The following CDH13 variants were observed in gnomAD, a reference collection of about 807,000 sequenced individuals.
The protein encoded by CDH13 is cadherin 13, also known as cadherin-13.
In CDH13, 24 loss-of-function variants were observed where a neutral mutation model predicts 63.8. The ratio of observed to expected loss-of-function variants is 0.38; its 90% CI spans 0.27 to 0.53. The LOEUF is 0.53. CDH13 is among the 20% of genes least tolerant of loss of function. The pLI is 0.85. For synonymous variants in CDH13, 503 were observed against 355.3 expected (o/e 1.42, Z -4.67); for missense variants, 1,049 against 903.1 (o/e 1.16, Z -2.07).
chr16:83,090,716 C>G (rs985791888), intron 3 of CDH13, among the ~76,000 whole-genome samples: 2 of 152,068 alleles, frequency 1.3e-5, no homozygotes, highest in Admixed American at 1.3e-4. Flanking sequence ...TCCGACTGCA[C>G]GAGTTGGTGA....
chr16:83,213,413 C>T (rs999057456), intron 4 of CDH13, among the ~76,000 whole-genome samples: 1 of 152,162 alleles, frequency 6.6e-6, no homozygotes, highest in Non-Finnish European at 1.5e-5. Context: ...CCCATTCCCC[C>T]ACCCCCTCCT....
At chr16:82,874,933 G>A (rs1477188677) in intron 2 of CDH13, among the ~76,000 whole-genome samples, 1 of 152,172 alleles carries the variant, frequency 6.6e-6, no homozygotes, top group Admixed American at 6.5e-5. Context: ...ATGGGGATGT[G>A]TGGCCAGGTA....
chr16:82,738,265 G>A (rs2033774467), intron 1 of CDH13, among the ~76,000 whole-genome samples: 1 of 152,196 alleles, frequency 6.6e-6, no homozygotes, highest in South Asian at 2.1e-4. Flanking sequence ...AAACGTAACT[G>A]CATGGCCAAT....
intron 1 of CDH13, among the ~76,000 whole-genome samples, chr16:82,788,354 C>G (rs2094027172): frequency 6.6e-6 from 1 of 152,186 alleles, no homozygotes; most frequent in African/African-American, 2.4e-5. Context: ...CAGGAGATGG[C>G]TGAGTCCCAA....
chr16:83,206,915 T>TAAAC (rs2039199682), intron 4 of CDH13, among the ~76,000 whole-genome samples: 2 of 152,196 alleles, frequency 1.3e-5, no homozygotes, highest in East Asian at 3.9e-4. Flanking sequence ...CACAGTAGGT[T>TAAAC]AAACAAACAA....
At chr16:83,379,894 A>G (rs1029156272) in intron 6 of CDH13, among the ~76,000 whole-genome samples, 2 of 145,662 alleles carry the variant, frequency 1.4e-5, no homozygotes, top group African/African-American at 5.2e-5. Context: ...GTGTATATAG[A>G]TATATGTATT....
At chr16:83,173,528 T>C (rs893224810) in intron 4 of CDH13, among the ~76,000 whole-genome samples, 5 of 152,098 alleles carry the variant, frequency 3.3e-5, no homozygotes, top group Non-Finnish European at 5.9e-5. Flanking sequence ...GACCCCATTA[T>C]GAAATTTCAG....
At chr16:83,507,070 C>T (rs772448334) in intron 7 of CDH13, among the ~76,000 whole-genome samples, 2 of 152,206 alleles carry the variant, frequency 1.3e-5, no homozygotes, top group Non-Finnish European at 2.9e-5. Flanking sequence ...GTCTGTTTCA[C>T]CAGCTAAAAT....
intron 6 of CDH13, among the ~76,000 whole-genome samples, chr16:83,372,768 A>AG (rs2091395169): frequency 6.6e-6 from 1 of 151,504 alleles, no homozygotes. Flanking sequence ...AAAAAAAAAA[A>AG]AAAAAGACAA....
chr16:83,418,383 A>G (rs2071615612), intron 6 of CDH13, among the ~76,000 whole-genome samples: 1 of 152,168 alleles, frequency 6.6e-6, no homozygotes, highest in Non-Finnish European at 1.5e-5. Context: ...AGGAAGCATG[A>G]GATTTTTTTT....
At chr16:82,755,035 A>G (rs537898308) in intron 1 of CDH13, among the ~76,000 whole-genome samples, 1 of 152,332 alleles carries the variant, frequency 6.6e-6, no homozygotes, top group East Asian at 1.9e-4. Flanking sequence ...AAGTGTGCAG[A>G]TGTGTTTTAT....
At chr16:83,657,617 G>A (rs772837354) in intron 8 of CDH13, among the ~76,000 whole-genome samples, 2 of 152,156 alleles carry the variant, frequency 1.3e-5, no homozygotes, top group African/African-American at 2.4e-5. Flanking sequence ...CTGTGGGCTG[G>A]GGATATGGAG....
At chr16:82,676,407 C>G (rs971570582) in intron 1 of CDH13, among the ~76,000 whole-genome samples, 2 of 151,324 alleles carry the variant, frequency 1.3e-5, no homozygotes, top group Non-Finnish European at 2.9e-5. Flanking sequence ...TTGATTTTGT[C>G]TGCTAAATAT....
At chr16:82,661,775 G>C (rs986758140) in intron 1 of CDH13, among the ~76,000 whole-genome samples, 1 of 152,202 alleles carries the variant, frequency 6.6e-6, no homozygotes, top group African/African-American at 2.4e-5. Context: ...CTCAATTAGG[G>C]AATAAAGAGC....
chr16:82,902,935 T>C (rs1316689886), intron 2 of CDH13, among the ~76,000 whole-genome samples: 1 of 152,172 alleles, frequency 6.6e-6, no homozygotes, highest in East Asian at 1.9e-4. Context: ...TTGGAGAAGC[T>C]CTAAGAGTTG....
rs1905311872 is a variant in CDH13 at position 83,579,196 on chromosome 16, A to G, written c.961-23258A>G. Among the ~76,000 whole-genome samples the G allele has an allele frequency of 2.0e-5, 3 of 152,068 alleles. No homozygotes were observed. The South Asian group carries it at 6.2e-4, about 32-fold the overall frequency. ...ATGCCCACTCTACCTCACTGTTACC[A>G]CCTCAGTGAGGCAGAGATCCTGGCT... On this transcript the variant is annotated intron_variant, in intron 7 of 13. Coordinates refer to ENST00000567109, the MANE Select transcript of CDH13 (RefSeq NM_001257.5).
intron 2 of CDH13, among the ~76,000 whole-genome samples, chr16:82,928,925 G>A (rs1597232557): frequency 6.6e-6 from 1 of 152,268 alleles, no homozygotes; most frequent in East Asian, 1.9e-4. Context: ...ATTGGAATGG[G>A]AAGAGATGTT....
intron 5 of CDH13, among the ~76,000 whole-genome samples, chr16:83,252,891 C>G (rs1168904776): frequency 6.6e-6 from 1 of 152,106 alleles, no homozygotes; most frequent in Non-Finnish European, 1.5e-5. Context: ...GTCAGAGCAA[C>G]TTGTTTTCAA....
At chr16:83,150,155 GT>G (rs1195822524) in intron 4 of CDH13, among the ~76,000 whole-genome samples, 2 of 137,646 alleles carry the variant, frequency 1.5e-5, no homozygotes, top group African/African-American at 7.2e-5. Flanking sequence ...GCTGGACTTT[GT>G]CTGTAACTTT....
Sources: gnomAD v4.1 joint callset for allele counts (sites outside exome capture counted in the v4.1 genomes callset) on GRCh38, gnomAD v4.1.1 for gene constraint, MANE v1.5 for transcripts, NCBI Gene and HGNC (gene_info 2026-07-23, HGNC 2026-07-21) for gene names.